The following COL25A1 variants were observed in gnomAD, a reference collection of about 807,000 sequenced individuals.
COL25A1 encodes the protein collagen type XXV alpha 1 chain.
Under a neutral mutation model 128.4 loss-of-function variants are expected in COL25A1, and 103 were observed. That is an observed-to-expected ratio of 0.80 (90% CI 0.68 to 0.94). The LOEUF (loss-of-function observed/expected upper bound fraction) is 0.94. Ranked by LOEUF, COL25A1 falls within the 40% of genes least tolerant of loss-of-function variation. The pLI, the probability that COL25A1 is intolerant of heterozygous loss-of-function variation, is 0.00. For missense variants in COL25A1, 745 were observed against 840.0 expected (o/e 0.89, Z 1.40); for synonymous variants, 279 against 277.2 (o/e 1.01, Z -0.06).
chr4:109,230,515 T>A (rs776798274), intron 3 of COL25A1, among the ~76,000 whole-genome samples: 1 of 152,198 alleles, frequency 6.6e-6, no homozygotes, highest in East Asian at 1.9e-4. Flanking sequence ...CTTAATTAAG[T>A]CACATGTGTT....
rs551505097 is a variant in COL25A1 at position 109,218,657 on chromosome 4, G to A, written c.367+81926C>T. 7.2e-5 allele frequency among the ~76,000 whole-genome samples: 11 copies of A among 151,832 alleles called. No individual in the cohort carries two copies. In the East Asian group the frequency reaches 1.7e-3, roughly 24 times the overall value. On this transcript the variant is annotated intron_variant, in intron 3 of 37. Transcript: ENST00000399132. Reference sequence around the variant, plus strand: ...ATGAACTGCTTTTGAACACTTAATGGTTTGCATCTAATATTATATATCACT... The same window carrying A: ...ATGAACTGCTTTTGAACACTTAATGATTTGCATCTAATATTATATATCACT...
At chr4:109,218,357 G>GTTTTTTTTTTTTTTGGTTT (rs1560887047) in intron 3 of COL25A1, among the ~76,000 whole-genome samples, 1 of 73,530 alleles carries the variant, frequency 1.4e-5, no homozygotes, top group African/African-American at 5.6e-5. Flanking sequence ...GTTTTTTGGG[G>GTTTTTTTTTTTTTTGGTTT]TTTTTTTTTT....
intron 28 of COL25A1, 58 bp from the exon 29 acceptor site, chr4:108,845,309 A>G (rs1734959592): frequency 7.2e-7 from 1 of 1,397,654 alleles, no homozygotes; most frequent in South Asian, 1.2e-5. Flanking sequence ...TGTAAGAGAC[A>G]ACTGAATTTT....
intron 3 of COL25A1, among the ~76,000 whole-genome samples, chr4:109,186,242 T>C (rs894924489): frequency 2.6e-5 from 4 of 152,204 alleles, no homozygotes; most frequent in Non-Finnish European, 4.4e-5. Context: ...TCTTGGTAAA[T>C]TGAGAGATCT....
At chr4:109,023,368 A>G (rs1377579699) in intron 5 of COL25A1, among the ~76,000 whole-genome samples, 2 of 152,236 alleles carry the variant, frequency 1.3e-5, no homozygotes, top group Non-Finnish European at 2.9e-5. Flanking sequence ...CAATGCATGA[A>G]CGGCATTTGG....
chr4:109,000,743 C>CA (rs1180104512), intron 6 of COL25A1, among the ~76,000 whole-genome samples: 454 of 36,330 alleles, frequency 0.012, 24 homozygotes, highest in African/African-American at 0.05. Context: ...GAGACTCTGT[C>CA]AAAAAAAAAA....
At chr4:108,938,335 G>A (rs1005707901) in intron 10 of COL25A1, among the ~76,000 whole-genome samples, 1 of 152,054 alleles carries the variant, frequency 6.6e-6, no homozygotes, top group African/African-American at 2.4e-5. Flanking sequence ...GACAGTCATT[G>A]GCTAAAAATA....
At chr4:109,243,825 C>T (rs1231578060) in intron 3 of COL25A1, among the ~76,000 whole-genome samples, 5 of 152,044 alleles carry the variant, frequency 3.3e-5, no homozygotes, top group Admixed American at 2.6e-4. Context: ...AGTTGTGGTG[C>T]TAATGGAAGG....
chr4:108,848,805 T>C lies in COL25A1; in HGVS notation c.1390-2A>G, dbSNP rs2125766591. The stretch of plus-strand genomic sequence containing the variant: ...GATTCCTGGAGATCCCTGCTCTCCC[T>C]ATTAAGATAAAAATAGATGACTTGC... On this transcript the variant is annotated splice_acceptor_variant, in intron 26 of 37. Coordinates refer to ENST00000399132, the MANE Select transcript of COL25A1 (RefSeq NM_198721.4). LOFTEE classifies it high-confidence loss of function. The C allele has an allele frequency of 3.7e-6, 6 of 1,606,164 alleles. No homozygotes were observed. Among genetic ancestry groups the C allele is most frequent in the Non-Finnish European group, 5.1e-6 (6 of 1,173,178 alleles).
intron 3 of COL25A1, among the ~76,000 whole-genome samples, chr4:109,119,700 A>G (rs1431213023): frequency 1.3e-5 from 2 of 152,094 alleles, no homozygotes; most frequent in Non-Finnish European, 1.5e-5. Flanking sequence ...TCTACCAAAC[A>G]TTTAAAAAGA....
intron 5 of COL25A1, among the ~76,000 whole-genome samples, chr4:109,029,955 C>G (rs1354038773): frequency 6.6e-6 from 1 of 152,134 alleles, no homozygotes; most frequent in Admixed American, 6.5e-5. Context: ...AGATAAAGAA[C>G]CTAAATCTAT....
At chr4:109,193,585 A>T (rs544683677) in intron 3 of COL25A1, among the ~76,000 whole-genome samples, 1 of 152,176 alleles carries the variant, frequency 6.6e-6, no homozygotes, top group East Asian at 1.9e-4. Context: ...CACAAAAACC[A>T]TCTGGTTTTA....
chr4:109,153,958 C>T (rs922077715), intron 3 of COL25A1, among the ~76,000 whole-genome samples: 6 of 152,178 alleles, frequency 3.9e-5, no homozygotes, highest in South Asian at 4.1e-4. Context: ...GTCTGCCTGA[C>T]TGTACTACCA....
chr4:109,065,168 G>A (rs1004397761), intron 3 of COL25A1, among the ~76,000 whole-genome samples: 1 of 152,178 alleles, frequency 6.6e-6, no homozygotes, highest in African/African-American at 2.4e-5. Context: ...AGTGCTCAGG[G>A]CATGATGCAG....
intron 3 of COL25A1, among the ~76,000 whole-genome samples, chr4:109,232,141 T>C (rs1779202088): frequency 1.3e-5 from 2 of 152,098 alleles, no homozygotes; most frequent in South Asian, 4.1e-4. Flanking sequence ...AAGAGAAAAA[T>C]GTACCTTTAA....
At chr4:108,896,524 T>C (rs1742170322) in intron 16 of COL25A1, 143 bp downstream of exon 16, 1 of 588,318 alleles carries the variant, frequency 1.7e-6, no homozygotes, top group African/African-American at 1.9e-5. Flanking sequence ...AGTATTTAAA[T>C]GTTTTCTAAT....
At chr4:109,140,880 C>T (rs1421231915) in intron 3 of COL25A1, among the ~76,000 whole-genome samples, 7 of 152,168 alleles carry the variant, frequency 4.6e-5, no homozygotes, top group Admixed American at 6.5e-5. Context: ...CATCTGCAAA[C>T]AGAGACAATT....
At chr4:109,072,864 A>ATAAAACTT (rs1355301458) in intron 3 of COL25A1, among the ~76,000 whole-genome samples, 4 of 152,304 alleles carry the variant, frequency 2.6e-5, no homozygotes, top group Admixed American at 2.6e-4. Context: ...GGGGGCCCAC[A>ATAAAACTT]TAAAACTTTA....
At chr4:109,238,375 C>T (rs1459824532) in intron 3 of COL25A1, among the ~76,000 whole-genome samples, 1 of 151,878 alleles carries the variant, frequency 6.6e-6, no homozygotes, top group Non-Finnish European at 1.5e-5. Context: ...TAAGTAGCAC[C>T]CATGTACTGA....
Sources: gnomAD v4.1 joint callset for allele counts (sites outside exome capture counted in the v4.1 genomes callset) on GRCh38, gnomAD v4.1.1 for gene constraint, MANE v1.5 for transcripts, NCBI Gene and HGNC (gene_info 2026-07-23, HGNC 2026-07-21) for gene names.